BARX2: variants seen among roughly 807,000 people sequenced by gnomAD.
BARX2 encodes the protein BARX homeobox 2, also known as homeobox protein BarH-like 2.
BARX2 carries 11 observed loss-of-function variants against 25.5 expected under a neutral mutation model. The observed-to-expected ratio is 0.43, with a 90% CI of 0.27 to 0.71. The LOEUF is 0.71. BARX2 is among the 30% of genes least tolerant of loss of function. The pLI is 0.19. For synonymous variants in BARX2, 137 were observed against 149.5 expected, an observed-to-expected ratio of 0.92 and a Z score of 0.61; for missense variants, 360 against 359.9, an observed-to-expected ratio of 1.00 and a Z score of 0.00.
Position 129,451,407 on chromosome 11 carries a change from A to G in BARX2, c.*5A>G. ...GAACCCCCACCATTAAGCTAAAGTA[A>G]AACCCTTTTGAGGGAAGAGGGAGAC... On this transcript the variant is annotated 3_prime_UTR_variant, in exon 4 of 4. Transcript: ENST00000281437. The G allele has an allele frequency of 6.2e-7, 1 of 1,609,828 alleles. No individual in the cohort carries two copies. Among genetic ancestry groups the G allele is most frequent in the Non-Finnish European group, 8.5e-7 (1 of 1,176,466 alleles).
chr11:129,412,405 G>T (rs7948128), intron 1 of BARX2, among the ~76,000 whole-genome samples: 2 of 152,172 alleles, frequency 1.3e-5, no homozygotes, highest in East Asian at 3.9e-4. Context: ...CTAAGCCTGG[G>T]AGGGTTCTCG....
intron 1 of BARX2, among the ~76,000 whole-genome samples, chr11:129,425,444 T>C (rs1862052843): frequency 6.6e-6 from 1 of 152,130 alleles, no homozygotes; most frequent in South Asian, 2.1e-4. Flanking sequence ...TGTGGGTGTA[T>C]ATGGAAAACA....
chr11:129,430,900 C>T (rs974316456), intron 1 of BARX2, among the ~76,000 whole-genome samples: 18 of 152,114 alleles, frequency 1.2e-4, no homozygotes, highest in African/African-American at 3.9e-4. Flanking sequence ...CTTGCTCTGT[C>T]GCCCAGGCTG....
At chr11:129,443,949 T>C (rs1862293374) in intron 3 of BARX2, among the ~76,000 whole-genome samples, 2 of 152,146 alleles carry the variant, frequency 1.3e-5, no homozygotes, top group Non-Finnish European at 2.9e-5. Flanking sequence ...CAAACGTTAG[T>C]GGCTCTTTCT....
At chr11:129,375,283 C>T (rs951353138), upstream of BARX2, among the ~76,000 whole-genome samples, 2 of 152,096 alleles carry the variant, frequency 1.3e-5, no homozygotes. This position sits in a 1 kb window ranked among gnomAD's most constrained non-coding sequence, Gnocchi z 4.0. Flanking sequence ...CCGCGGTCTT[C>T]GGGAAACCGT....
intron 1 of BARX2, among the ~76,000 whole-genome samples, chr11:129,383,874 TTTTG>T (rs1343552730): frequency 2.6e-5 from 4 of 152,086 alleles, no homozygotes; most frequent in Non-Finnish European, 4.4e-5. Context: ...TTTTTTGTTT[TTTTG>T]TTTGTTTGTT....
chr11:129,385,262 C>T (rs1861606565), intron 1 of BARX2, among the ~76,000 whole-genome samples: 1 of 152,168 alleles, frequency 6.6e-6, no homozygotes, highest in African/African-American at 2.4e-5. Context: ...GCTGCAGACG[C>T]ACATACCCTA....
chr11:129,418,922 A>T (rs375798310), intron 1 of BARX2, among the ~76,000 whole-genome samples: 13 of 152,358 alleles, frequency 8.5e-5, no homozygotes, highest in Admixed American at 2.6e-4. Context: ...TATAACGTTG[A>T]TGAAAAACAT....
intron 1 of BARX2, among the ~76,000 whole-genome samples, chr11:129,433,329 G>GT (rs2135409881): frequency 6.6e-6 from 1 of 152,162 alleles, no homozygotes; most frequent in South Asian, 2.1e-4. Context: ...GCTGCCTCTG[G>GT]TCTACTGGCC....
chr11:129,410,665 A>G (rs1388963702), intron 1 of BARX2, among the ~76,000 whole-genome samples: 4 of 152,222 alleles, frequency 2.6e-5, no homozygotes, highest in African/African-American at 4.8e-5. Flanking sequence ...GGGAGCCTAT[A>G]AACACCAGAG....
chr11:129,408,010 G>A, intron 1 of BARX2, among the ~76,000 whole-genome samples: 1 of 105,320 alleles, frequency 9.5e-6, no homozygotes, highest in Admixed American at 1.5e-4. Flanking sequence ...GACAGAGCCA[G>A]ACTCCGTCTC....
At chr11:129,404,406 G>A (rs763021403) in intron 1 of BARX2, among the ~76,000 whole-genome samples, 3 of 152,194 alleles carry the variant, frequency 2.0e-5, no homozygotes, top group African/African-American at 4.8e-5. Context: ...CCAATTAAGA[G>A]GGTGACACAT....
chr11:129,414,178 T>C (rs564068462), intron 1 of BARX2, among the ~76,000 whole-genome samples: 93 of 152,286 alleles, frequency 6.1e-4, no homozygotes, highest in African/African-American at 2.0e-3. Context: ...GTTCAGAATG[T>C]ATTAATACAT....
At chr11:129,389,578 T>A (rs1463004282) in intron 1 of BARX2, among the ~76,000 whole-genome samples, 1 of 151,284 alleles carries the variant, frequency 6.6e-6, no homozygotes, top group East Asian at 1.9e-4. Context: ...TTAACAAGAG[T>A]TTCCTAGGAT....
chr11:129,444,529 AAG>A (rs1565523746), intron 3 of BARX2, among the ~76,000 whole-genome samples: 1 of 152,204 alleles, frequency 6.6e-6, no homozygotes, highest in Non-Finnish European at 1.5e-5. Flanking sequence ...TAGGCACTAT[AAG>A]AAGTAATTAA....
At chr11:129,438,297 G>C (rs1003303477) in intron 2 of BARX2, 4 of 147,604 alleles carry the variant, frequency 2.7e-5, no homozygotes, top group African/African-American at 1.0e-4. Flanking sequence ...ACTCCAGCCT[G>C]GGCAACAGAG....
At chr11:129,419,667 G>A (rs1042784586) in intron 1 of BARX2, among the ~76,000 whole-genome samples, 1 of 152,054 alleles carries the variant, frequency 6.6e-6, no homozygotes, top group Non-Finnish European at 1.5e-5. Flanking sequence ...GAGACTTGTG[G>A]GGGAATCTAA....
chr11:129,445,140 G>C (rs1459248240), intron 3 of BARX2, among the ~76,000 whole-genome samples: 2 of 152,196 alleles, frequency 1.3e-5, no homozygotes, highest in East Asian at 3.9e-4. Flanking sequence ...TTGGGGGATT[G>C]GTCTCTAAAG....
At chr11:129,391,247 G>A (rs1320720503) in intron 1 of BARX2, among the ~76,000 whole-genome samples, 3 of 152,166 alleles carry the variant, frequency 2.0e-5, no homozygotes, top group Non-Finnish European at 4.4e-5. Flanking sequence ...GTAAACCGAG[G>A]AAAAGAAATC....
Sources: gnomAD v4.1 joint callset for allele counts (sites outside exome capture counted in the v4.1 genomes callset) on GRCh38, gnomAD v4.1.1 for gene constraint, Gnocchi (gnomAD v3.1) non-coding constraint, MANE v1.5 for transcripts, NCBI Gene and HGNC (gene_info 2026-07-23, HGNC 2026-07-21) for gene names.